Variants in HBM observed in about 807,000 individuals in gnomAD.
HBM encodes the protein alpha globin pseudogene 2.
A neutral mutation model predicts 12.8 loss-of-function variants in HBM; 9 were observed. The observed-to-expected ratio is 0.70, with a 90% CI of 0.42 to 1.23. The LOEUF is 1.23. Ranked by LOEUF, HBM falls within the 50% of genes most tolerant of loss-of-function variation. The probability of loss-of-function intolerance (pLI) is 0.00; values close to 1 mark genes in which losing one functional copy is unlikely to be tolerated. For synonymous variants in HBM, 100 were observed against 92.0 expected (o/e 1.09, Z -0.50); for missense variants, 214 against 195.4 (o/e 1.10, Z -0.57).
rs148323035 is a variant in HBM at position 166,091 on chromosome 16, T to C, written c.92+2T>C. ...ATTCGGGGCGGAGCTGCTGCTCAGGTCGGTAGAGGCGGGGTCTCCGGGAGC... is the reference window on the plus strand; with the variant it reads ...ATTCGGGGCGGAGCTGCTGCTCAGGCCGGTAGAGGCGGGGTCTCCGGGAGC... On this transcript the variant is annotated splice_donor_variant, in intron 1 of 2. Coordinates refer to ENST00000356815, the MANE Select transcript of HBM (RefSeq NM_001003938.4). LOFTEE classifies it high-confidence loss of function. The C allele has an allele frequency of 4.9e-3, 7,772 of 1,598,346 alleles. 463 individuals carry two copies. In the Admixed American group the frequency reaches 0.11, roughly 23 times the overall value.
Position 166,412 on chromosome 16 carries a change from G to A in HBM, c.237G>A (p.Ala79=), listed in dbSNP as rs547802002. 4 of 1,555,370 alleles carry A rather than the reference G, an allele frequency of 2.6e-6. No individual in the cohort carries two copies. Among genetic ancestry groups the A allele is most frequent in the Middle Eastern group, 1.7e-4 (1 of 5,766 alleles). The change falls in exon 2 of 3, where the codon GCG becomes GCA. Residue 79 remains alanine (A), a synonymous_variant. Transcript: ENST00000356815. ...AVQHVDNLRA[A]LSPLADLHAL... ...AGCACGTGGACAACCTGCGCGCCGC[G>A]CTGAGCCCGCTGGCGGACCTGCACG...
At chr16:166,524 G>A in intron 2 of HBM, 52 bp downstream of exon 2, 1 of 1,585,706 alleles carries the variant, frequency 6.3e-7, no homozygotes, top group Non-Finnish European at 8.6e-7. Flanking sequence ...GGGGTGGGGG[G>A]GCTCTGGGGG....
At position 166,036 on chromosome 16, in the gene HBM, C is replaced by G; in HGVS notation, c.39C>G (p.Val13=). ...SAQERAQIAQ[V]WDLIAGHEAQ... is the part of the protein sequence containing the mutation. ...AGGAGCGCGCCCAAATCGCGCAGGT[C>G]TGGGACCTGATTGCGGGCCACGAGG... Residue 13 remains valine (V), a synonymous_variant, in exon 1 of 3, where the codon GTC becomes GTG. Transcript: ENST00000356815. 1.2e-6 allele frequency: 2 copies of G among 1,600,458 alleles called. No individual in the cohort carries two copies. Among genetic ancestry groups the G allele is most frequent in the Non-Finnish European group, 8.5e-7 (1 of 1,176,152 alleles).
In HBM at chr16:166,073, G is replaced by A. The variant is rs965110192; in HGVS notation, c.76G>A (p.Ala26Thr). The change falls in exon 1 of 3, where the codon GCG becomes ACG. Residue 26 changes from alanine (A) to threonine (T), a missense_variant. Physicochemically the swap from Ala to Thr is moderately conservative, Grantham distance 58. Coordinates refer to ENST00000356815, the MANE Select transcript of HBM (RefSeq NM_001003938.4). ...LIAGHEAQFG[A>T]ELLLRLFTVY... Reference sequence around the variant, plus strand: ...TGCGGGCCACGAGGCGCAATTCGGGGCGGAGCTGCTGCTCAGGTCGGTAGA... The same window carrying A: ...TGCGGGCCACGAGGCGCAATTCGGGACGGAGCTGCTGCTCAGGTCGGTAGA... 1.2e-6 allele frequency: 2 copies of A among 1,603,684 alleles called. No individual in the cohort carries two copies. Among genetic ancestry groups the A allele is most frequent in the Admixed American group, 1.7e-5 (1 of 59,424 alleles).
rs777879769 is a variant in HBM at position 166,228 on chromosome 16, G to A, written c.93-40G>A. Reference sequence around the variant, plus strand: ...GGTGTGGGCGCTAGTGAAGCCCCACGCAGCCGCCCTCCTCCCCGGTCACTG... The same window carrying A: ...GGTGTGGGCGCTAGTGAAGCCCCACACAGCCGCCCTCCTCCCCGGTCACTG... On this transcript the variant is annotated intron_variant, in intron 1 of 2. Coordinates refer to ENST00000356815, the MANE Select transcript of HBM (RefSeq NM_001003938.4). 7 of 1,531,548 alleles carry A rather than the reference G, an allele frequency of 4.6e-6. No individual in the cohort carries two copies. In the Admixed American group the frequency reaches 5.4e-5, roughly 12 times the overall value. The allele number at this position is 1,531,548 out of a possible 1,614,324, so 94.9% of individuals were successfully genotyped here.
chr16:166,682 G>A lies in HBM; in HGVS notation c.400G>A (p.Val134Met), dbSNP rs1037746634. 1 of 1,614,008 alleles carries A rather than the reference G, an allele frequency of 6.2e-7. No individual in the cohort carries two copies. The highest frequency in any genetic ancestry group is 1.3e-5 in the African/African-American group (1 of 74,940). ...AWDKFLTGVA[V>M]VLTEKYR ...GGACAAGTTCCTGACTGGTGTGGCCGTGGTGCTGACCGAAAAATACCGCTG... is the reference window on the plus strand; with the variant it reads ...GGACAAGTTCCTGACTGGTGTGGCCATGGTGCTGACCGAAAAATACCGCTG... The change falls in exon 3 of 3, where the codon GTG becomes ATG. Residue 134 changes from valine to methionine, a missense_variant. Transcript: ENST00000356815.
chr16:166,510 A>G (rs2142014293), intron 2 of HBM, 38 bp downstream of exon 2: 1 of 1,480,342 alleles, frequency 6.8e-7, no homozygotes, highest in East Asian at 2.5e-5. Context: ...TGCAGCGCGC[A>G]GCCGGGGTGG....
In HBM at chr16:166,615, CCA is replaced by C. The variant is rs1175308574; in HGVS notation, c.335_336del (p.His112ProfsTer?). ...AGTGTTTCCACGTCGTGCTGGCCTC[CCA>C]CCTGCAGGACGAGTTCACCGTGCAA... ...IQCFHVVLAS[H>X]LQDEFTVQMQ... On this transcript the variant is annotated frameshift_variant, in exon 3 of 3. Transcript: ENST00000356815. LOFTEE classifies it high-confidence loss of function. 6.2e-7 allele frequency: 1 copy of C among 1,614,032 alleles called. No homozygotes were observed.
intron 1 of HBM, 34 bp from the exon 2 acceptor site, chr16:166,234 G>A: frequency 6.4e-7 from 1 of 1,551,900 alleles, no homozygotes; most frequent in African/African-American, 1.4e-5. Context: ...CCACGCAGCC[G>A]CCCTCCTCCC....
At position 166,330 on chromosome 16, in the gene HBM, C is replaced by A; in HGVS notation, c.155C>A (p.Ala52Glu). ...YFPHLSACQD[A>E]TQLLSHGQRM... ...CCGCACCTGAGCGCCTGCCAGGACG[C>A]GACGCAGCTGCTGAGCCACGGGCAG... Residue 52 changes from alanine to glutamate, a missense_variant, in exon 2 of 3, where the codon GCG becomes GAG. Ala to Glu is a moderately radical substitution (Grantham distance 107). Transcript: ENST00000356815. 6 of 1,595,140 alleles carry A rather than the reference C, an allele frequency of 3.8e-6. No individual in the cohort carries two copies. The highest frequency in any genetic ancestry group is 5.1e-6 in the Non-Finnish European group (6 of 1,178,552).
In HBM at chr16:166,732, T is replaced by G. The variant is rs138680549; in HGVS notation, c.*24T>G. ...GAGCCCTGTGCTGCGCAGGCCTTGG[T>G]CTGTGCCTGTCAATAAACAGAGGCC... On this transcript the variant is annotated 3_prime_UTR_variant, in exon 3 of 3. Coordinates refer to ENST00000356815, the MANE Select transcript of HBM (RefSeq NM_001003938.4). The G allele has an allele frequency of 1.2e-5, 20 of 1,612,552 alleles. No individual in the cohort carries two copies. Among genetic ancestry groups the G allele is most frequent in the Non-Finnish European group, 1.7e-5 (20 of 1,179,366 alleles).
rs1901920144 is a variant in HBM at position 166,671 on chromosome 16, C to G, written c.389C>G (p.Thr130Ser). The G allele has an allele frequency of 1.9e-6, 3 of 1,614,038 alleles. No homozygotes were observed. Among genetic ancestry groups the G allele is most frequent in the Non-Finnish European group, 2.5e-6 (3 of 1,180,018 alleles). Residue 130 changes from threonine to serine, a missense_variant, in exon 3 of 3, where the codon ACT (threonine) becomes AGT (serine). Thr to Ser is a moderately conservative substitution (Grantham distance 58, BLOSUM62 1). Transcript: ENST00000356815. ...QMQAAWDKFL[T>S]GVAVVLTEKY... ...CAAGCGGCGTGGGACAAGTTCCTGA[C>G]TGGTGTGGCCGTGGTGCTGACCGAA...
chr16:166,282 A>G lies in HBM; in HGVS notation c.107A>G (p.Tyr36Cys). ...AELLLRLFTV[Y>C]PSTKVYFPHL... ...TGGTCCTGCAGGCTCTTCACGGTGTACCCCAGCACCAAGGTCTACTTCCCG... is the reference window on the plus strand; with the variant it reads ...TGGTCCTGCAGGCTCTTCACGGTGTGCCCCAGCACCAAGGTCTACTTCCCG... The change falls in exon 2 of 3, where the codon TAC (tyrosine) becomes TGC (cysteine). Residue 36 changes from tyrosine (Y) to cysteine (C), a missense_variant. Coordinates refer to ENST00000356815, the MANE Select transcript of HBM (RefSeq NM_001003938.4). The G allele has an allele frequency of 6.3e-7, 1 of 1,594,384 alleles. No homozygotes were observed. Among genetic ancestry groups the G allele is most frequent in the Non-Finnish European group, 8.5e-7 (1 of 1,178,196 alleles).
chr16:166,192 G>GC (rs1041473990), intron 1 of HBM, 76 bp from the exon 2 acceptor site: 1 of 1,335,624 alleles, frequency 7.5e-7, no homozygotes, highest in African/African-American at 3.2e-5. Flanking sequence ...GCGGATCCCC[G>GC]GGCTCTGGGC....
rs140339652 is a variant in HBM, at chr16:166,692, C to G, written c.410C>G (p.Thr137Ser). 1 of 1,613,966 alleles carries G rather than the reference C, an allele frequency of 6.2e-7. No individual in the cohort carries two copies. The highest frequency in any genetic ancestry group is 1.3e-5 in the African/African-American group (1 of 74,936). Reference sequence around the variant, plus strand: ...CTGACTGGTGTGGCCGTGGTGCTGACCGAAAAATACCGCTGAGCCCTGTGC... The same window carrying G: ...CTGACTGGTGTGGCCGTGGTGCTGAGCGAAAAATACCGCTGAGCCCTGTGC... ...KFLTGVAVVL[T>S]EKYR The change falls in exon 3 of 3, where the codon ACC becomes AGC. Residue 137 changes from threonine (T) to serine (S), a missense_variant. Coordinates refer to ENST00000356815, the MANE Select transcript of HBM (RefSeq NM_001003938.4).
rs1567161787 is a variant in HBM, at chr16:166,720, C to T, written c.*12C>T. ...AAAAATACCGCTGAGCCCTGTGCTG[C>T]GCAGGCCTTGGTCTGTGCCTGTCAA... On this transcript the variant is annotated 3_prime_UTR_variant, in exon 3 of 3. Transcript: ENST00000356815. 2 of 1,613,566 alleles carry T rather than the reference C, an allele frequency of 1.2e-6. No individual in the cohort carries two copies. The highest frequency in any genetic ancestry group is 2.7e-5 in the African/African-American group (2 of 74,928).
chr16:166,367 G>T lies in HBM; in HGVS notation c.192G>T (p.Ala64=). 1.3e-6 allele frequency: 2 copies of T among 1,585,662 alleles called. No individual in the cohort carries two copies. The highest frequency in any genetic ancestry group is 1.3e-5 in the African/African-American group (1 of 74,632). ...TGAGCCACGGGCAGCGCATGCTGGC[G>T]GCTGTGGGCGCGGCGGTGCAGCACG... is the stretch of plus-strand genomic sequence containing the variant. ...QLLSHGQRML[A]AVGAAVQHVD... The change falls in exon 2 of 3, where the codon GCG becomes GCT. Residue 64 remains alanine, a synonymous_variant. Transcript: ENST00000356815.
At position 166,093 on chromosome 16, in the gene HBM, G is replaced by A; in HGVS notation, c.92+4G>A. 6.3e-7 allele frequency: 1 copy of A among 1,595,354 alleles called. No individual in the cohort carries two copies. ...TCGGGGCGGAGCTGCTGCTCAGGTC[G>A]GTAGAGGCGGGGTCTCCGGGAGCTC... On this transcript the variant is annotated splice_donor_region_variant and intron_variant, in intron 1 of 2. Coordinates refer to ENST00000356815, the MANE Select transcript of HBM (RefSeq NM_001003938.4).
In HBM at chr16:165,987, C is replaced by A; in HGVS notation, c.-11C>A. On this transcript the variant is annotated 5_prime_UTR_variant, in exon 1 of 3. Coordinates refer to ENST00000356815, the MANE Select transcript of HBM (RefSeq NM_001003938.4). ...GGCGGGCGCGGCCCCCAGAGCACGT[C>A]AGGCGGCGCCATGCTCAGCGCCCAG... The A allele has an allele frequency of 6.4e-7, 1 of 1,569,008 alleles. No homozygotes were observed. Among genetic ancestry groups the A allele is most frequent in the Non-Finnish European group, 8.6e-7 (1 of 1,163,676 alleles).
Sources: allele counts gnomAD v4.1 joint callset, GRCh38; gene constraint gnomAD v4.1.1; transcripts MANE v1.5; gene names NCBI Gene and HGNC (gene_info 2026-07-23, HGNC 2026-07-21).